TFAP2D: variants seen among roughly 807,000 people sequenced by gnomAD.
The protein encoded by TFAP2D is transcription factor AP-2-delta.
A neutral mutation model predicts 43.6 loss-of-function variants in TFAP2D; 9 were observed. The observed-to-expected ratio is 0.21, with a 90% CI of 0.12 to 0.36. The LOEUF is 0.36. Among genes scored for constraint, TFAP2D ranks in the 10% least tolerant of loss-of-function variants. The pLI, the probability that TFAP2D is intolerant of heterozygous loss-of-function variation, is 1.00. For synonymous variants in TFAP2D, 256 were observed against 224.9 expected (o/e 1.14, Z -1.24); for missense variants, 513 against 561.4 (o/e 0.91, Z 0.87).
In TFAP2D at chr6:50,745,955, C is replaced by T. The variant is rs151033223; in HGVS notation, c.1025+707C>T. On this transcript the variant is annotated intron_variant, in intron 6 of 7. Transcript: ENST00000008391. ...ATAAATTCCTTGACACTTGAAAGTTCGTCGATAATTAGTGGGAATACTACC... is the reference window on the plus strand; with the variant it reads ...ATAAATTCCTTGACACTTGAAAGTTTGTCGATAATTAGTGGGAATACTACC... 4.6e-5 allele frequency among the ~76,000 whole-genome samples: 7 copies of T among 152,116 alleles called. No homozygotes were observed. In the East Asian group the frequency reaches 7.8e-4, roughly 17 times the overall value.
At chr6:50,757,313 A>G (rs1458226035) in intron 7 of TFAP2D, among the ~76,000 whole-genome samples, 4 of 141,378 alleles carry the variant, frequency 2.8e-5, no homozygotes, top group African/African-American at 7.8e-5. Context: ...TATATTCTCT[A>G]TATTCTCTAT....
At position 50,719,101 on chromosome 6, in the gene TFAP2D, G is replaced by A. The variant is rs1260662728; in HGVS notation, c.549G>A (p.Glu183=). The change falls in exon 3 of 8, where the codon GAG becomes GAA. Residue 183 remains glutamate (E), a synonymous_variant. Coordinates refer to ENST00000008391, the MANE Select transcript of TFAP2D (RefSeq NM_172238.4). Reference sequence around the variant, plus strand: ...TTTCTTTTATTAAGGGCTCTGTGGAGGCCCAGTGTGGGCTTGTTCTCAATG... The same window carrying A: ...TTTCTTTTATTAAGGGCTCTGTGGAAGCCCAGTGTGGGCTTGTTCTCAATG... ...AGADDLQGSV[E]AQCGLVLNGQ... 20 of 1,613,950 alleles carry A rather than the reference G, an allele frequency of 1.2e-5. No homozygotes were observed. The highest frequency in any genetic ancestry group is 2.2e-5 in the East Asian group (1 of 44,856).
At chr6:50,729,599 T>C (rs1768854723) in intron 5 of TFAP2D, among the ~76,000 whole-genome samples, 3 of 152,168 alleles carry the variant, frequency 2.0e-5, no homozygotes, top group Non-Finnish European at 4.4e-5. Context: ...CAACATGAAA[T>C]TGGCAGCGCT....
intron 7 of TFAP2D, among the ~76,000 whole-genome samples, chr6:50,754,079 C>T (rs372849398): frequency 2.6e-5 from 4 of 151,874 alleles, no homozygotes; most frequent in African/African-American, 4.8e-5. Context: ...ATCTCCACAA[C>T]TTTTTTATTT....
At chr6:50,748,864 TA>T (rs1769161324) in intron 6 of TFAP2D, among the ~76,000 whole-genome samples, 1 of 151,876 alleles carries the variant, frequency 6.6e-6, no homozygotes, top group Non-Finnish European at 1.5e-5. Flanking sequence ...AGACATCAGC[TA>T]AAAACTTACG....
intron 7 of TFAP2D, among the ~76,000 whole-genome samples, chr6:50,765,336 A>G (rs1472611180): frequency 2.6e-5 from 4 of 151,892 alleles, no homozygotes; most frequent in Admixed American, 2.6e-4. Context: ...TGGAGTTTAG[A>G]TATCTCTTTC....
chr6:50,772,650 T>C lies in TFAP2D; in HGVS notation c.1145T>C (p.Ile382Thr). The C allele has an allele frequency of 6.2e-7, 1 of 1,613,816 alleles. No homozygotes were observed. The highest frequency in any genetic ancestry group is 8.5e-7 in the Non-Finnish European group (1 of 1,179,760). Residue 382 changes from isoleucine to threonine, a missense_variant, in exon 8 of 8, where the codon ATC (isoleucine) becomes ACC (threonine). Around this residue, in one of 3 missense-constraint regions of TFAP2D, gnomAD observed 199 missense variants for 227.9 expected, o/e 0.87. Coordinates refer to ENST00000008391, the MANE Select transcript of TFAP2D (RefSeq NM_172238.4). ...IQRHLTHFSLITHGFGTPAIC... is the reference protein window; with the variant it reads ...IQRHLTHFSLTTHGFGTPAIC... The stretch of plus-strand genomic sequence containing the variant: ...CTATCACTTCTCATTTCCAGTTTGA[T>C]CACTCATGGCTTTGGGACTCCGGCA...
intron 5 of TFAP2D, among the ~76,000 whole-genome samples, chr6:50,735,676 T>A (rs1406230971): frequency 6.6e-6 from 1 of 152,128 alleles, no homozygotes; most frequent in African/African-American, 2.4e-5. Flanking sequence ...TGGCCAAACT[T>A]CCAAAAGGCA....
rs560852124 is a variant in TFAP2D at position 50,726,616 on chromosome 6, G to A, written c.599-2240G>A. Among the ~76,000 whole-genome samples, 34 of 152,168 alleles carry A rather than the reference G, an allele frequency of 2.2e-4. No individual in the cohort carries two copies. In the South Asian group the frequency reaches 3.1e-3, roughly 14 times the overall value. On this transcript the variant is annotated intron_variant, in intron 3 of 7. Transcript: ENST00000008391. Reference sequence around the variant, plus strand: ...ATTTCTCTTTGTTTAATATATTTGGGGTAGACTTATCTAATTCCTAAAATA... The same window carrying A: ...ATTTCTCTTTGTTTAATATATTTGGAGTAGACTTATCTAATTCCTAAAATA...
chr6:50,720,486 A>AACACACACACAC (rs59484837), intron 3 of TFAP2D, among the ~76,000 whole-genome samples: 5 of 139,068 alleles, frequency 3.6e-5, no homozygotes, highest in African/African-American at 8.2e-5. Context: ...TGGAGATTAA[A>AACACACACACAC]ACACACACAC....
chr6:50,718,938 T>G, intron 2 of TFAP2D, 152 bp from the exon 3 acceptor site: 1 of 693,458 alleles, frequency 1.4e-6, no homozygotes, highest in South Asian at 2.2e-5. Context: ...TAAAAAATTG[T>G]GTTTGCTGGC....
chr6:50,742,585 GATA>G (rs1210339337), intron 5 of TFAP2D, among the ~76,000 whole-genome samples: 24 of 118,224 alleles, frequency 2.0e-4, no homozygotes, highest in Admixed American at 1.9e-3. Context: ...TAGATAGATA[GATA>G]GATAGATAGA....
intron 5 of TFAP2D, among the ~76,000 whole-genome samples, chr6:50,742,104 T>A (rs533820075): frequency 4.9e-4 from 74 of 152,240 alleles, no homozygotes; most frequent in African/African-American, 1.8e-3. Flanking sequence ...GATTTGTCAT[T>A]GTTTCTGAAT....
intron 3 of TFAP2D, 51 bp downstream of exon 3, chr6:50,719,201 T>G: frequency 3.8e-6 from 6 of 1,564,084 alleles, no homozygotes; most frequent in Non-Finnish European, 5.3e-6. Flanking sequence ...CTCCTATCTC[T>G]TACTTTGTTT....
chr6:50,744,640 C>T (rs1282518531), intron 5 of TFAP2D, among the ~76,000 whole-genome samples: 5 of 152,060 alleles, frequency 3.3e-5, no homozygotes, highest in East Asian at 1.9e-4. Flanking sequence ...CCGACTTCCT[C>T]GAAAAGTTAT....
At chr6:50,751,065 C>T (rs1031453827) in intron 6 of TFAP2D, 146 bp from the exon 7 acceptor site, 6 of 586,842 alleles carry the variant, frequency 1.0e-5, no homozygotes, top group African/African-American at 9.4e-5. Context: ...CAACTGTATG[C>T]TATGAATGGA....
chr6:50,765,915 G>C (rs1472799891), intron 7 of TFAP2D, among the ~76,000 whole-genome samples: 3 of 151,970 alleles, frequency 2.0e-5, no homozygotes, highest in Admixed American at 1.3e-4. Flanking sequence ...TGTGCTTTAG[G>C]TGTCATGTCC....
chr6:50,770,892 A>G (rs766404704), intron 7 of TFAP2D, among the ~76,000 whole-genome samples: 9 of 150,498 alleles, frequency 6.0e-5, no homozygotes, highest in Admixed American at 2.7e-4. Context: ...ACAATGTTGT[A>G]TATATATATA....
In TFAP2D at chr6:50,740,465, A is replaced by G. The variant is rs144157017; in HGVS notation, c.884-4642A>G. Among the ~76,000 whole-genome samples, 450 of 152,230 alleles carry G rather than the reference A, an allele frequency of 3.0e-3. 11 individuals carry two copies. The East Asian group carries it at 0.058, about 20-fold the overall frequency. On this transcript the variant is annotated intron_variant, in intron 5 of 7. Transcript: ENST00000008391. Reference sequence around the variant, plus strand: ...TTTGTTTGTTTTGAGATGTAGTCTCACTTTGTCGCCCAGGCTGGAGTGTAG... The same window carrying G: ...TTTGTTTGTTTTGAGATGTAGTCTCGCTTTGTCGCCCAGGCTGGAGTGTAG...
Sources: allele counts gnomAD v4.1 joint callset (sites outside exome capture counted in the v4.1 genomes callset), GRCh38; gene constraint gnomAD v4.1.1; regional missense constraint gnomAD v4.1.1; transcripts MANE v1.5; gene names NCBI Gene and HGNC (gene_info 2026-07-23, HGNC 2026-07-21).